Variants in MYLK observed in about 807,000 individuals in gnomAD.
The protein encoded by MYLK is myosin light chain kinase, also known as myosin light chain kinase, smooth muscle.
Under a neutral mutation model 203.4 loss-of-function variants are expected in MYLK, and 106 were observed. The observed-to-expected ratio is 0.52, with a 90% CI of 0.45 to 0.61. MYLK has a LOEUF of 0.61. Among genes scored for constraint, MYLK ranks in the 20% least tolerant of loss-of-function variants. MYLK has a pLI of 0.00. For missense variants in MYLK, 2,072 were observed against 2,442.3 expected (o/e 0.85, Z 3.20); for synonymous variants, 867 against 959.5 (o/e 0.90, Z 1.78).
chr3:123,651,929 T>C (rs2059226529), intron 24 of MYLK, among the ~76,000 whole-genome samples: 1 of 152,184 alleles, frequency 6.6e-6, no homozygotes, highest in South Asian at 2.1e-4. Flanking sequence ...TGTGTTCCTT[T>C]ATGCTGCAGG....
chr3:123,664,135 T>C lies in MYLK; in HGVS notation c.3955A>G (p.Arg1319Gly). The change falls in exon 23 of 34, where the codon AGG becomes GGG. Residue 1319 changes from arginine (R) to glycine (G), a missense_variant. Coordinates refer to ENST00000360304, the MANE Select transcript of MYLK (RefSeq NM_053025.4). ...ACAGTGAGGTTGACCTGGGCCTGCCTGCTGCCCAGCTTGTTCTCCACCAGC... is the reference window on the plus strand; with the variant it reads ...ACAGTGAGGTTGACCTGGGCCTGCCCGCTGCCCAGCTTGTTCTCCACCAGC... Reference protein sequence around the residue: ...TLLVENKLGSRQAQVNLTVVD... With the variant: ...TLLVENKLGSGQAQVNLTVVD... 1.2e-6 allele frequency: 2 copies of C among 1,614,124 alleles called. No individual in the cohort carries two copies. Among genetic ancestry groups the C allele is most frequent in the Non-Finnish European group, 1.7e-6 (2 of 1,179,970 alleles).
At chr3:123,870,324 C>T (rs1052978736) in intron 2 of MYLK, among the ~76,000 whole-genome samples, 7 of 152,230 alleles carry the variant, frequency 4.6e-5, no homozygotes, top group African/African-American at 1.7e-4. Context: ...ACTCCTCCAC[C>T]CAACCTCCGT....
intron 2 of MYLK, among the ~76,000 whole-genome samples, chr3:123,875,744 G>C (rs2033110314): frequency 6.6e-6 from 1 of 152,034 alleles, no homozygotes; most frequent in African/African-American, 2.4e-5. Context: ...TGTGTACCTG[G>C]GAAAATGCTG....
intron 4 of MYLK, 121 bp from the exon 5 acceptor site, chr3:123,752,659 A>T (rs1342458911): frequency 1.0e-6 from 1 of 999,196 alleles, no homozygotes; most frequent in Non-Finnish European, 1.5e-6. Flanking sequence ...CCCCCATTTC[A>T]TCCTCATTTT....
chr3:123,774,579 G>A (rs879380136), intron 4 of MYLK, among the ~76,000 whole-genome samples: 1 of 152,190 alleles, frequency 6.6e-6, no homozygotes, highest in African/African-American at 2.4e-5. Context: ...CTTTTCAGGG[G>A]AGTCAAACAG....
chr3:123,682,194 T>C (rs2060290210), intron 20 of MYLK, 30 bp downstream of exon 20: 1 of 1,569,918 alleles, frequency 6.4e-7, no homozygotes, highest in Non-Finnish European at 8.7e-7. Flanking sequence ...TGCCTCTGCC[T>C]CTGCCTGGTG....
chr3:123,831,025 A>C (rs2066308213), intron 3 of MYLK, among the ~76,000 whole-genome samples: 1 of 152,196 alleles, frequency 6.6e-6, no homozygotes, highest in Non-Finnish European at 1.5e-5. Context: ...GTGTTCTGGC[A>C]GCTGCTCAGT....
Position 123,628,592 on chromosome 3 carries a change from T to C in MYLK, c.5114+882A>G, listed in dbSNP as rs116064693. 9.1e-3 allele frequency among the ~76,000 whole-genome samples: 1,382 copies of C among 152,304 alleles called. 19 individuals carry two copies. Among genetic ancestry groups the C allele is most frequent in the African/African-American group, 0.032 (1,327 of 41,566 alleles). On this transcript the variant is annotated intron_variant, in intron 30 of 33. Coordinates refer to ENST00000360304, the MANE Select transcript of MYLK (RefSeq NM_053025.4). ...GGTGAGCTGCCCAATAGGCCAGCTG[T>C]TCTCACCTGAGTCCCACTGCTCCCT...
At chr3:123,761,503 G>C (rs1032979405) in intron 4 of MYLK, among the ~76,000 whole-genome samples, 3 of 152,186 alleles carry the variant, frequency 2.0e-5, no homozygotes, top group Non-Finnish European at 2.9e-5. Context: ...CATGTGGCCA[G>C]GAGAGCATCT....
intron 4 of MYLK, among the ~76,000 whole-genome samples, chr3:123,779,143 G>A (rs758709638): frequency 8.5e-5 from 13 of 152,274 alleles, no homozygotes; most frequent in Middle Eastern, 3.4e-3. Context: ...CACTCCTTTC[G>A]GGACTGAGCC....
chr3:123,793,566 A>G (rs1299030752), intron 4 of MYLK, 111 bp downstream of exon 4: 2 of 1,266,468 alleles, frequency 1.6e-6, no homozygotes, highest in African/African-American at 3.0e-5. Context: ...AAGGTCCAAA[A>G]GAAAATTGAG....
chr3:123,809,306 C>G (rs147623610), intron 3 of MYLK, among the ~76,000 whole-genome samples: 1 of 152,164 alleles, frequency 6.6e-6, no homozygotes, highest in East Asian at 1.9e-4. Context: ...GGGCAGATCA[C>G]TTGAGGTCAG....
At chr3:123,837,629 G>A (rs1482437084) in intron 2 of MYLK, among the ~76,000 whole-genome samples, 1 of 151,286 alleles carries the variant, frequency 6.6e-6, no homozygotes, top group East Asian at 1.9e-4. Context: ...AAAGAGTTGT[G>A]CACTGATCAC....
chr3:123,709,730 C>T, intron 14 of MYLK, 26 bp downstream of exon 14: 1 of 1,612,344 alleles, frequency 6.2e-7, no homozygotes, highest in Non-Finnish European at 8.5e-7. Flanking sequence ...CATGTTAATC[C>T]CCAAGAGAGA....
intron 24 of MYLK, among the ~76,000 whole-genome samples, chr3:123,653,801 C>G (rs2059295587): frequency 6.6e-6 from 1 of 152,182 alleles, no homozygotes; most frequent in African/African-American, 2.4e-5. Flanking sequence ...CAGTCTCTCC[C>G]TCTTTACACC....
chr3:123,868,339 T>C (rs2032481556), intron 2 of MYLK, among the ~76,000 whole-genome samples: 1 of 152,196 alleles, frequency 6.6e-6, no homozygotes, highest in African/African-American at 2.4e-5. Flanking sequence ...AATAAACTAT[T>C]TGGACAAAGA....
At chr3:123,631,511 C>G (rs2058423482) in intron 29 of MYLK, among the ~76,000 whole-genome samples, 1 of 152,096 alleles carries the variant, frequency 6.6e-6, no homozygotes, top group African/African-American at 2.4e-5. Context: ...CATCATAAGC[C>G]AAGCACTGAC....
At chr3:123,849,350 T>C (rs1314619400) in intron 2 of MYLK, among the ~76,000 whole-genome samples, 1 of 152,196 alleles carries the variant, frequency 6.6e-6, no homozygotes, top group Non-Finnish European at 1.5e-5. Flanking sequence ...ATAGCTTTAG[T>C]TGCATGTAGT....
At chr3:123,681,652 G>A (rs769409875) in intron 20 of MYLK, 1 of 167,738 alleles carries the variant, frequency 6.0e-6, no homozygotes, top group Non-Finnish European at 1.3e-5. Context: ...GCTCAGTTTG[G>A]CCTGAGTATA....
Sources: allele counts gnomAD v4.1 joint callset (sites outside exome capture counted in the v4.1 genomes callset), GRCh38; gene constraint gnomAD v4.1.1; transcripts MANE v1.5; gene names NCBI Gene and HGNC (gene_info 2026-07-23, HGNC 2026-07-21).